The following HSPA12A variants were observed in gnomAD, a reference collection of about 807,000 sequenced individuals.
HSPA12A encodes heat shock 70 kDa protein 12A.
HSPA12A carries 28 observed loss-of-function variants against 69.2 expected under a neutral mutation model. That is an observed-to-expected ratio of 0.40 (90% CI 0.30 to 0.55). The LOEUF (loss-of-function observed/expected upper bound fraction) is 0.55, where lower values mean the gene tolerates loss of function less well. Among genes scored for constraint, HSPA12A ranks in the 20% least tolerant of loss-of-function variants. The probability of loss-of-function intolerance (pLI) is 0.38; values close to 1 mark genes in which losing one functional copy is unlikely to be tolerated. For missense variants in HSPA12A, 686 were observed against 900.7 expected, an observed-to-expected ratio of 0.76 and a Z score of 3.05; for synonymous variants, 345 against 370.5, an observed-to-expected ratio of 0.93 and a Z score of 0.79.
chr10:116,849,412 C>T lies in HSPA12A; in HGVS notation c.3+154G>A, dbSNP rs1056679483. On this transcript the variant is annotated intron_variant, in intron 1 of 12. Transcript: ENST00000635765. ...GCAGCGAGCGCAAATACCATCCTAG[C>T]TCCAATAAAAGGGAACGACTTTTAC... 4 of 1,075,094 alleles carry T rather than the reference C, an allele frequency of 3.7e-6. No individual in the cohort carries two copies. The African/African-American group carries it at 4.9e-5, about 13-fold the overall frequency. 66.6% of individuals were successfully genotyped at this position (1,075,094 alleles called of 1,614,324 possible).
At chr10:116,817,900 C>T (rs1324611919) in intron 2 of HSPA12A, among the ~76,000 whole-genome samples, 2 of 152,204 alleles carry the variant, frequency 1.3e-5, no homozygotes, top group Non-Finnish European at 1.5e-5. Flanking sequence ...CCTGGTCAGA[C>T]ACCTGGCAGA....
chr10:116,679,811 C>T (rs367658412), intron 9 of HSPA12A, 50 bp from the exon 10 acceptor site: 1 of 1,592,498 alleles, frequency 6.3e-7, no homozygotes, highest in Non-Finnish European at 8.6e-7. Flanking sequence ...CCATTAGAAA[C>T]CCAATCCAGA....
intron 1 of HSPA12A, among the ~76,000 whole-genome samples, chr10:116,707,511 C>T (rs1250414763): frequency 6.6e-6 from 1 of 152,216 alleles, no homozygotes; most frequent in Non-Finnish European, 1.5e-5. Context: ...CCTTTCCTCC[C>T]AGTCGCCACC....
At chr10:116,797,012 T>C (rs1322575501) in intron 2 of HSPA12A, among the ~76,000 whole-genome samples, 3 of 152,192 alleles carry the variant, frequency 2.0e-5, no homozygotes, top group South Asian at 2.1e-4. Context: ...GGAACTCTTC[T>C]TGAGGTCCTC....
chr10:116,754,960 AT>A (rs199644098), intron 2 of HSPA12A, among the ~76,000 whole-genome samples: 35 of 148,508 alleles, frequency 2.4e-4, no homozygotes, highest in Admixed American at 4.0e-4. Context: ...TTATCCATGT[AT>A]TTTTTTTTTT....
chr10:116,693,346 T>G (rs1849791406), intron 5 of HSPA12A, among the ~76,000 whole-genome samples: 1 of 152,202 alleles, frequency 6.6e-6, no homozygotes, highest in South Asian at 2.1e-4. Flanking sequence ...GGTTTCCACC[T>G]GGTTCACGGG....
At chr10:116,833,526 C>A (rs1845657846) in intron 2 of HSPA12A, among the ~76,000 whole-genome samples, 1 of 152,156 alleles carries the variant, frequency 6.6e-6, no homozygotes, top group Non-Finnish European at 1.5e-5. Flanking sequence ...AGAGTTAAAG[C>A]AAGCATGAAA....
intron 5 of HSPA12A, among the ~76,000 whole-genome samples, chr10:116,696,062 C>T (rs1554880850): frequency 6.7e-6 from 1 of 149,638 alleles, no homozygotes; most frequent in African/African-American, 2.5e-5. Flanking sequence ...TCTTTCAATC[C>T]ACATCCCCTT....
At chr10:116,820,375 T>A in intron 2 of HSPA12A, among the ~76,000 whole-genome samples, 1 of 152,060 alleles carries the variant, frequency 6.6e-6, no homozygotes, top group Non-Finnish European at 1.5e-5. Context: ...CAGGAGACAG[T>A]CACTGTGATC....
intron 2 of HSPA12A, among the ~76,000 whole-genome samples, chr10:116,826,537 G>A (rs1316296428): frequency 6.6e-6 from 1 of 152,188 alleles, no homozygotes; most frequent in African/African-American, 2.4e-5. Context: ...ACTGATGGAC[G>A]ACACGGGTGT....
At chr10:116,814,991 G>A (rs947182451) in intron 2 of HSPA12A, among the ~76,000 whole-genome samples, 4 of 151,968 alleles carry the variant, frequency 2.6e-5, no homozygotes, top group African/African-American at 9.7e-5. Context: ...CAGTAAACTG[G>A]GATAAACCCT....
Position 116,710,704 on chromosome 10 carries a change from T to G in HSPA12A, c.41-3419A>C, listed in dbSNP as rs1850396659. Reference sequence around the variant, plus strand: ...TGAAAACTGATCTGCACAGAAGGTATGGAGGGGTAACATTTTCAGAGATAC... The same window carrying G: ...TGAAAACTGATCTGCACAGAAGGTAGGGAGGGGTAACATTTTCAGAGATAC... On this transcript the variant is annotated intron_variant, in intron 1 of 11. Transcript: ENST00000369209. The surrounding 1 kb of genome is among the most constrained non-coding windows in gnomAD (Gnocchi z 4.1). Among the ~76,000 whole-genome samples, 1 of 152,222 alleles carries G rather than the reference T, an allele frequency of 6.6e-6. No homozygotes were observed. The highest frequency in any genetic ancestry group is 2.4e-5 in the African/African-American group (1 of 41,458).
At chr10:116,793,143 A>T (rs1844735882) in intron 2 of HSPA12A, among the ~76,000 whole-genome samples, 1 of 152,252 alleles carries the variant, frequency 6.6e-6, no homozygotes, top group African/African-American at 2.4e-5. Context: ...AGAATTCTCC[A>T]CTAGCAAACT....
upstream of HSPA12A, among the ~76,000 whole-genome samples, chr10:116,742,895 C>G (rs2907239): frequency 3.1e-4 from 47 of 152,156 alleles, no homozygotes; most frequent in African/African-American, 1.1e-3. Context: ...GGCGCGTCCC[C>G]TCTTTGGAAG....
chr10:116,797,561 C>T (rs991705919), intron 2 of HSPA12A, among the ~76,000 whole-genome samples: 5 of 152,198 alleles, frequency 3.3e-5, no homozygotes, highest in Non-Finnish European at 2.9e-5. Context: ...TGTGAACCCA[C>T]GTCTCCTGCC....
chr10:116,832,971 A>T (rs956965539), intron 2 of HSPA12A: 1 of 152,208 alleles, frequency 6.6e-6, no homozygotes, highest in Non-Finnish European at 1.5e-5. Context: ...GAAAGAGGTC[A>T]TGAGACAAGG....
chr10:116,742,685 A>G, upstream of HSPA12A: 3 of 838,796 alleles, frequency 3.6e-6, no homozygotes, highest in Non-Finnish European at 4.3e-6. Context: ...GCCGGCCGGG[A>G]AAGGTCGGGG....
intron 2 of HSPA12A, among the ~76,000 whole-genome samples, chr10:116,768,871 T>G (rs1363047347): frequency 2.0e-5 from 3 of 152,120 alleles, no homozygotes; most frequent in African/African-American, 7.2e-5. Context: ...AGCCCCCTAT[T>G]GCAGGGCCAG....
upstream of HSPA12A, among the ~76,000 whole-genome samples, chr10:116,744,556 T>C (rs1554887664): frequency 6.6e-6 from 1 of 152,208 alleles, no homozygotes; most frequent in East Asian, 1.9e-4. Context: ...GGAGGTGACA[T>C]GCAGGCCCCA....
Sources: gnomAD v4.1 joint callset for allele counts (sites outside exome capture counted in the v4.1 genomes callset) on GRCh38, gnomAD v4.1.1 for gene constraint, Gnocchi (gnomAD v3.1) non-coding constraint, MANE v1.5 for transcripts, NCBI Gene and HGNC (gene_info 2026-07-23, HGNC 2026-07-21) for gene names.